The following GALNTL6 variants were observed in gnomAD, a reference collection of about 807,000 sequenced individuals.
The protein encoded by GALNTL6 is polypeptide N-acetylgalactosaminyltransferase like 6.
A neutral mutation model predicts 73.7 loss-of-function variants in GALNTL6; 46 were observed. The observed-to-expected ratio is 0.62, with a 90% CI of 0.49 to 0.80. The LOEUF (loss-of-function observed/expected upper bound fraction) is 0.80, where lower values mean the gene tolerates loss of function less well. GALNTL6 is among the 30% of genes least tolerant of loss of function. GALNTL6 has a pLI of 0.00. For missense variants in GALNTL6, 604 were observed against 755.0 expected (o/e 0.80, Z 2.34); for synonymous variants, 259 against 263.7 (o/e 0.98, Z 0.17).
chr4:172,771,030 A>G (rs1269130525), intron 5 of GALNTL6, among the ~76,000 whole-genome samples: 2 of 152,228 alleles, frequency 1.3e-5, no homozygotes, highest in African/African-American at 4.8e-5. Flanking sequence ...GTTATCTGTC[A>G]TATCAGACCA....
intron 8 of GALNTL6, among the ~76,000 whole-genome samples, chr4:172,913,174 T>TAACA (rs1357459515): frequency 1.3e-5 from 2 of 152,042 alleles, no homozygotes; most frequent in African/African-American, 4.8e-5. Flanking sequence ...GAAGGAAAAC[T>TAACA]AACAGACAGA....
At chr4:171,849,448 T>C (rs560940071) in intron 2 of GALNTL6, among the ~76,000 whole-genome samples, 4 of 152,344 alleles carry the variant, frequency 2.6e-5, no homozygotes, top group Admixed American at 1.3e-4. Flanking sequence ...AATGATTTCT[T>C]CTTTTTTCAT....
chr4:172,953,346 C>G (rs1448669499), intron 10 of GALNTL6, among the ~76,000 whole-genome samples: 1 of 152,194 alleles, frequency 6.6e-6, no homozygotes, highest in Non-Finnish European at 1.5e-5. Flanking sequence ...TCAACCTGCT[C>G]TTAACAGAGG....
At chr4:172,797,268 T>C (rs536253155) in intron 5 of GALNTL6, among the ~76,000 whole-genome samples, 16 of 152,286 alleles carry the variant, frequency 1.1e-4, no homozygotes, top group African/African-American at 3.9e-4. Context: ...TTTTTTTTAT[T>C]TGGAGACAGA....
chr4:172,432,038 G>C (rs190747305), intron 5 of GALNTL6, among the ~76,000 whole-genome samples: 1 of 152,152 alleles, frequency 6.6e-6, no homozygotes, highest in Admixed American at 6.6e-5. Context: ...ACTAATAAAA[G>C]TGTGATTTTT....
chr4:172,025,689 C>T (rs937348661), intron 2 of GALNTL6, among the ~76,000 whole-genome samples: 1 of 151,906 alleles, frequency 6.6e-6, no homozygotes, highest in Admixed American at 6.6e-5. Flanking sequence ...AATTTAATAA[C>T]TGCTAAATAT....
At chr4:172,444,037 A>C (rs1416874131) in intron 5 of GALNTL6, among the ~76,000 whole-genome samples, 1 of 152,198 alleles carries the variant, frequency 6.6e-6, no homozygotes, top group Non-Finnish European at 1.5e-5. Flanking sequence ...TTGGTAATCG[A>C]GGCAAGAGCC....
chr4:172,297,269 G>GAGT (rs1252779062), intron 3 of GALNTL6, among the ~76,000 whole-genome samples: 1 of 152,134 alleles, frequency 6.6e-6, no homozygotes, highest in African/African-American at 2.4e-5. Context: ...TTTGTCAGAT[G>GAGT]AGTAGATTGC....
At chr4:172,902,390 G>A (rs1386658773) in intron 8 of GALNTL6, among the ~76,000 whole-genome samples, 2 of 152,148 alleles carry the variant, frequency 1.3e-5, no homozygotes, top group Admixed American at 6.6e-5. Flanking sequence ...GACTGAGAAG[G>A]AAGCCCAAGG....
intron 5 of GALNTL6, among the ~76,000 whole-genome samples, chr4:172,648,940 T>C (rs376551648): frequency 6.6e-6 from 1 of 152,120 alleles, no homozygotes; most frequent in African/African-American, 2.4e-5. Context: ...AAAAATCAGA[T>C]TTGCATTTGA....
chr4:172,059,429 T>C (rs955400718), intron 2 of GALNTL6, among the ~76,000 whole-genome samples: 1 of 152,152 alleles, frequency 6.6e-6, no homozygotes, highest in African/African-American at 2.4e-5. Flanking sequence ...AAATGGTCGA[T>C]GGAATCTCAA....
intron 2 of GALNTL6, among the ~76,000 whole-genome samples, chr4:171,895,014 G>A (rs1736869097): frequency 6.6e-6 from 1 of 152,072 alleles, no homozygotes. Flanking sequence ...GAAGTGACCT[G>A]GAATATTAAA....
At chr4:172,333,515 T>G (rs1741204705) in intron 4 of GALNTL6, among the ~76,000 whole-genome samples, 1 of 152,226 alleles carries the variant, frequency 6.6e-6, no homozygotes, top group African/African-American at 2.4e-5. Flanking sequence ...GTTGAGTTCC[T>G]TTTATATTCT....
In GALNTL6 at chr4:172,131,521, T is replaced by C. The variant is rs139218667; in HGVS notation, c.139-98135T>C. 6.2e-3 allele frequency among the ~76,000 whole-genome samples: 919 copies of C among 149,096 alleles called. 8 individuals carry two copies. The highest frequency in any genetic ancestry group is 0.021 in the African/African-American group (861 of 40,894). On this transcript the variant is annotated intron_variant, in intron 2 of 12. Coordinates refer to ENST00000506823, the MANE Select transcript of GALNTL6 (RefSeq NM_001034845.3). ...TATTTTATATATGTGTGCATATATATACACACACACACATATGTGTTTGTG... is the reference window on the plus strand; with the variant it reads ...TATTTTATATATGTGTGCATATATACACACACACACACATATGTGTTTGTG...
intron 5 of GALNTL6, among the ~76,000 whole-genome samples, chr4:172,377,481 G>C (rs1262980388): frequency 6.6e-6 from 1 of 152,206 alleles, no homozygotes; most frequent in African/African-American, 2.4e-5. Context: ...TCGCCTAGCA[G>C]ATCCCGTGCT....
At chr4:172,857,728 T>A in intron 7 of GALNTL6, among the ~76,000 whole-genome samples, 1 of 152,226 alleles carries the variant, frequency 6.6e-6, no homozygotes, top group East Asian at 1.9e-4. Flanking sequence ...TAAAATCCAA[T>A]GATTCTTTAA....
chr4:172,917,869 T>C (rs934257135), intron 8 of GALNTL6, among the ~76,000 whole-genome samples: 3 of 152,178 alleles, frequency 2.0e-5, no homozygotes, highest in African/African-American at 7.2e-5. Context: ...GAACTAGAAA[T>C]ACCATTTGAC....
chr4:171,956,152 C>T (rs947008461), intron 2 of GALNTL6, among the ~76,000 whole-genome samples: 1 of 151,872 alleles, frequency 6.6e-6, no homozygotes, highest in Non-Finnish European at 1.5e-5. Context: ...CAGGCATGCG[C>T]CACCACACCT....
chr4:171,953,619 C>T (rs889424014), intron 2 of GALNTL6, among the ~76,000 whole-genome samples: 3 of 152,024 alleles, frequency 2.0e-5, no homozygotes. Flanking sequence ...GAGAAATTCA[C>T]TTTAGTTTTG....
Sources: gnomAD v4.1 joint callset for allele counts (sites outside exome capture counted in the v4.1 genomes callset) on GRCh38, gnomAD v4.1.1 for gene constraint, MANE v1.5 for transcripts, NCBI Gene and HGNC (gene_info 2026-07-23, HGNC 2026-07-21) for gene names.